The following NEMP2 variants were observed in gnomAD, a reference collection of about 807,000 sequenced individuals.
NEMP2 encodes nuclear envelope integral membrane protein 2.
NEMP2 carries 53 observed loss-of-function variants against 54.2 expected under a neutral mutation model. The observed-to-expected ratio is 0.98, with a 90% CI of 0.78 to 1.23. The LOEUF is 1.23. NEMP2 is among the 50% of genes most tolerant of loss of function. The pLI is 0.00. For synonymous variants in NEMP2, 197 were observed against 190.3 expected (o/e 1.04, Z -0.29); for missense variants, 455 against 511.3 (o/e 0.89, Z 1.06).
rs955229001 is a variant in NEMP2, at chr2:190,508,636, T to C, written c.*553A>G. 2.0e-5 allele frequency: 3 copies of C among 152,706 alleles called. No individual in the cohort carries two copies. The highest frequency in any genetic ancestry group is 7.2e-5 in the African/African-American group (3 of 41,458). 9.5% of individuals were successfully genotyped at this position (152,706 alleles called of 1,614,324 possible). A position where few individuals can be genotyped will look rare whatever the true frequency, so the allele number is the denominator to read the frequency against. On this transcript the variant is annotated 3_prime_UTR_variant, in exon 9 of 9. Transcript: ENST00000409150. This position sits in a 1 kb window ranked among gnomAD's most constrained non-coding sequence, Gnocchi z 4.3. ...AGTGCACACGAGCATTATGAATGCC[T>C]CTGAGAGATACTGAAATACATTAGT...
the NEMP2 span, among the ~76,000 whole-genome samples, chr2:190,589,176 G>A: frequency 6.6e-6 from 1 of 152,088 alleles, no homozygotes; most frequent in Non-Finnish European, 1.5e-5. This position sits in a 1 kb window ranked among gnomAD's most constrained non-coding sequence, Gnocchi z 4.3. Flanking sequence ...GTTGACTGGA[G>A]CCTCTAGCAA....
At chr2:190,471,857 T>A in the NEMP2 span, among the ~76,000 whole-genome samples, 2 of 152,152 alleles carry the variant, frequency 1.3e-5, no homozygotes, top group African/African-American at 4.8e-5. The surrounding 1 kb of genome is among the most constrained non-coding windows in gnomAD (Gnocchi z 4.7). Context: ...GGCAGACTGA[T>A]AACTCATACG....
At chr2:190,436,531 C>A in the NEMP2 span, 1 of 1,614,246 alleles carries the variant, frequency 6.2e-7, no homozygotes, top group Non-Finnish European at 8.5e-7. This position sits in a 1 kb window ranked among gnomAD's most constrained non-coding sequence, Gnocchi z 5.3. Flanking sequence ...CCCAACAACT[C>A]ACCCCACCAA....
At chr2:190,447,742 T>C in the NEMP2 span, among the ~76,000 whole-genome samples, 1 of 152,192 alleles carries the variant, frequency 6.6e-6, no homozygotes, top group Non-Finnish European at 1.5e-5. The surrounding 1 kb of genome is among the most constrained non-coding windows in gnomAD (Gnocchi z 4.5). Context: ...AAAAGCCCCT[T>C]GGAGCTATTT....
Position 190,509,267 on chromosome 2 carries a change from T to A in NEMP2, c.1176A>T (p.Glu392Asp), listed in dbSNP as rs763885127. Residue 392 changes from glutamate to aspartate, a missense_variant, in exon 9 of 9, where the codon GAA (glutamate) becomes GAT (aspartate). Glu to Asp is a conservative substitution (Grantham distance 45, BLOSUM62 2). Coordinates refer to ENST00000409150, the MANE Select transcript of NEMP2 (RefSeq NM_001142645.2). This position sits in a 1 kb window ranked among gnomAD's most constrained non-coding sequence, Gnocchi z 6.1. ...CATACTGCTCTTCATGCAGACTGAT[T>A]TCTTCAGGTGACAAGTGGCTTCCTC... ...VLGGSHLSPE[E>D]ISLHEEQYGL... 5.8e-6 allele frequency: 9 copies of A among 1,551,634 alleles called. No individual in the cohort carries two copies. Among genetic ancestry groups the A allele is most frequent in the African/African-American group, 4.1e-5 (3 of 73,046 alleles).
At chr2:190,583,685 C>T in the NEMP2 span, among the ~76,000 whole-genome samples, 1 of 152,186 alleles carries the variant, frequency 6.6e-6, no homozygotes, top group East Asian at 1.9e-4. Context: ...AGAGCTCAAC[C>T]AGGCCTGGAC....
At chr2:190,596,241 G>A in the NEMP2 span, among the ~76,000 whole-genome samples, 1 of 152,166 alleles carries the variant, frequency 6.6e-6, no homozygotes, top group African/African-American at 2.4e-5. This position sits in a 1 kb window ranked among gnomAD's most constrained non-coding sequence, Gnocchi z 5.1. Context: ...ACACATTGGG[G>A]CCTGTCAGGG....
At chr2:190,497,336 T>C in the NEMP2 span, 1 of 1,308,722 alleles carries the variant, frequency 7.6e-7, no homozygotes, top group Admixed American at 2.2e-5. This position sits in a 1 kb window ranked among gnomAD's most constrained non-coding sequence, Gnocchi z 5.2. Flanking sequence ...TCAAGCACTC[T>C]GGAATGGGTA....
In NEMP2 at chr2:190,520,198, G is replaced by A. The variant is rs13019278; in HGVS notation, c.214-1015C>T. Among the ~76,000 whole-genome samples the A allele has an allele frequency of 0.3, 45,336 of 151,942 alleles. 7,515 individuals carry two copies. The highest frequency in any genetic ancestry group is 0.46 in the East Asian group (2,400 of 5,172). ...TGAGTAGGCATAGTTTGAAAATAGG[G>A]TTTATATTTACACCATTTTCTACTA... On this transcript the variant is annotated intron_variant, in intron 2 of 8. Transcript: ENST00000409150. The surrounding 1 kb of genome is among the most constrained non-coding windows in gnomAD (Gnocchi z 5.4).
At chr2:190,497,831 G>A in the NEMP2 span, 4 of 1,292,810 alleles carry the variant, frequency 3.1e-6, no homozygotes, top group East Asian at 2.4e-5. The surrounding 1 kb of genome is among the most constrained non-coding windows in gnomAD (Gnocchi z 5.2). Flanking sequence ...AAGTCTGGTG[G>A]GGGAAATAGA....
Position 190,523,633 on chromosome 2 carries a change from C to A in NEMP2, c.213+1630G>T, listed in dbSNP as rs1048660523. ...GAAAAAAAATGTTATGATTCCAGAG[C>A]TAAGTCTATGAAATTACACACGCCT... On this transcript the variant is annotated intron_variant, in intron 2 of 8. Transcript: ENST00000409150. This position sits in a 1 kb window ranked among gnomAD's most constrained non-coding sequence, Gnocchi z 5.3. Among the ~76,000 whole-genome samples, 3 of 152,000 alleles carry A rather than the reference C, an allele frequency of 2.0e-5. No homozygotes were observed. Among genetic ancestry groups the A allele is most frequent in the Non-Finnish European group, 4.4e-5 (3 of 68,022 alleles).
the NEMP2 span, among the ~76,000 whole-genome samples, chr2:190,472,923 G>A: frequency 6.6e-6 from 1 of 152,292 alleles, no homozygotes; most frequent in South Asian, 2.1e-4. Context: ...GAGAGTGGGG[G>A]CCAATATTCA....
At chr2:190,618,962 A>G in the NEMP2 span, among the ~76,000 whole-genome samples, 1 of 152,330 alleles carries the variant, frequency 6.6e-6, no homozygotes, top group Non-Finnish European at 1.5e-5. Flanking sequence ...GTTTTTTTAA[A>G]CTTGTAATTC....
At chr2:190,426,622 C>T in the NEMP2 span, among the ~76,000 whole-genome samples, 1 of 152,254 alleles carries the variant, frequency 6.6e-6, no homozygotes, top group African/African-American at 2.4e-5. The surrounding 1 kb of genome is among the most constrained non-coding windows in gnomAD (Gnocchi z 4.7). Flanking sequence ...CAGCCCTCAT[C>T]CCCCTCCCAT....
chr2:190,477,525 G>C, the NEMP2 span: 1 of 211,284 alleles, frequency 4.7e-6, no homozygotes, highest in South Asian at 1.7e-4. Context: ...AACGGTTAAA[G>C]AACAACAGAA....
chr2:190,535,066 T>A (rs943134943), upstream of NEMP2: 2 of 162,168 alleles, frequency 1.2e-5, no homozygotes, highest in African/African-American at 4.8e-5. Context: ...GAGTGTTTCT[T>A]AAAACTTGGC....
At chr2:190,497,816 A>C in the NEMP2 span, 1 of 1,383,556 alleles carries the variant, frequency 7.2e-7, no homozygotes, top group Non-Finnish European at 9.9e-7. This position sits in a 1 kb window ranked among gnomAD's most constrained non-coding sequence, Gnocchi z 5.2. Flanking sequence ...AACAAGATTT[A>C]TTGAAAGTCT....
chr2:190,429,227 CGT>C, the NEMP2 span, among the ~76,000 whole-genome samples: 66 of 148,832 alleles, frequency 4.4e-4, no homozygotes, highest in South Asian at 1.1e-3. Context: ...TCTTTTGTTA[CGT>C]GTGTGTGTGT....
chr2:190,545,157 G>C, the NEMP2 span, among the ~76,000 whole-genome samples: 12 of 152,002 alleles, frequency 7.9e-5, no homozygotes, highest in Non-Finnish European at 1.8e-4. Flanking sequence ...TTATTTTTCA[G>C]TTAGTAGGTT....
Sources: gnomAD v4.1 joint callset for allele counts (sites outside exome capture counted in the v4.1 genomes callset) on GRCh38, gnomAD v4.1.1 for gene constraint, Gnocchi (gnomAD v3.1) non-coding constraint, MANE v1.5 for transcripts, NCBI Gene and HGNC (gene_info 2026-07-23, HGNC 2026-07-21) for gene names.